ALK: variants seen among roughly 807,000 people sequenced by gnomAD.
The protein encoded by ALK is ALK tyrosine kinase receptor.
A neutral mutation model predicts 163.1 loss-of-function variants in ALK; 74 were observed. The ratio of observed to expected loss-of-function variants is 0.45; its 90% CI spans 0.38 to 0.55. The LOEUF (loss-of-function observed/expected upper bound fraction) is 0.55. Ranked by LOEUF, ALK falls within the 20% of genes least tolerant of loss-of-function variation. ALK has a pLI of 0.00. For synonymous variants in ALK, 960 were observed against 843.2 expected (o/e 1.14, Z -2.40); for missense variants, 2,063 against 2,105.3 (o/e 0.98, Z 0.39).
At chr2:29,761,810 C>T (rs899424586) in intron 1 of ALK, among the ~76,000 whole-genome samples, 20 of 152,234 alleles carry the variant, frequency 1.3e-4, no homozygotes, top group African/African-American at 4.6e-4. Flanking sequence ...TGAGCAATCT[C>T]TCCCTTTGGG....
At chr2:29,871,369 G>C (rs1435253932) in intron 1 of ALK, among the ~76,000 whole-genome samples, 1 of 152,160 alleles carries the variant, frequency 6.6e-6, no homozygotes, top group Non-Finnish European at 1.5e-5. Context: ...GGAATGTCCT[G>C]GAAAGGCTTC....
rs370577020 is a variant in ALK, at chr2:29,596,560, A to G, written c.953-64444T>C. On this transcript the variant is annotated intron_variant, in intron 3 of 28. Coordinates refer to ENST00000389048, the MANE Select transcript of ALK (RefSeq NM_004304.5). ...GAGATTCAGAATGGCTGCAAGGGGC[A>G]GGTAGGGGTGTGTGGAGAGAGGAAA... Among the ~76,000 whole-genome samples, 9 of 152,294 alleles carry G rather than the reference A, an allele frequency of 5.9e-5. No homozygotes were observed. The East Asian group carries it at 1.5e-3, about 26-fold the overall frequency.
intron 23 of ALK, among the ~76,000 whole-genome samples, chr2:29,220,176 G>A (rs1010652937): frequency 3.9e-5 from 6 of 152,168 alleles, no homozygotes; most frequent in Non-Finnish European, 8.8e-5. Context: ...GGAGGGGCCT[G>A]GTGGGAGGTG....
At chr2:29,804,498 G>A (rs1664560011) in intron 1 of ALK, among the ~76,000 whole-genome samples, 1 of 152,220 alleles carries the variant, frequency 6.6e-6, no homozygotes, top group Non-Finnish European at 1.5e-5. Context: ...AGGCAGGCCA[G>A]GAAGACTGTG....
At chr2:29,250,461 C>T (rs866669862) in intron 12 of ALK, among the ~76,000 whole-genome samples, 6 of 152,162 alleles carry the variant, frequency 3.9e-5, no homozygotes, top group Non-Finnish European at 8.8e-5. Context: ...TCTCAGCCCC[C>T]ACTCCAGACC....
intron 12 of ALK, among the ~76,000 whole-genome samples, chr2:29,243,727 C>T (rs1419654713): frequency 2.0e-5 from 3 of 152,210 alleles, no homozygotes; most frequent in East Asian, 1.9e-4. Flanking sequence ...TGATAATAGC[C>T]TCAGCCTGTC....
At chr2:29,649,358 C>T (rs1322267356) in intron 3 of ALK, among the ~76,000 whole-genome samples, 1 of 151,908 alleles carries the variant, frequency 6.6e-6, no homozygotes, top group Non-Finnish European at 1.5e-5. Context: ...TTTTAATTTG[C>T]GTTTTGGTTT....
At chr2:29,634,974 G>A (rs1676479906) in intron 3 of ALK, among the ~76,000 whole-genome samples, 1 of 152,110 alleles carries the variant, frequency 6.6e-6, no homozygotes, top group African/African-American at 2.4e-5. Flanking sequence ...AAAATCAATT[G>A]TATTTCTCTA....
intron 3 of ALK, among the ~76,000 whole-genome samples, chr2:29,594,182 T>C (rs907584738): frequency 3.9e-5 from 6 of 152,160 alleles, no homozygotes; most frequent in Non-Finnish European, 8.8e-5. Flanking sequence ...TACATTATAT[T>C]TTATAAAGGT....
intron 8 of ALK, among the ~76,000 whole-genome samples, chr2:29,314,985 TCCCTC>T (rs1199969575): frequency 6.6e-6 from 1 of 151,978 alleles, no homozygotes; most frequent in Non-Finnish European, 1.5e-5. Flanking sequence ...CTGCAAGCCT[TCCCTC>T]CCCGGTGGCA....
At chr2:29,469,714 C>T (rs1256230443) in intron 4 of ALK, among the ~76,000 whole-genome samples, 2 of 152,198 alleles carry the variant, frequency 1.3e-5, no homozygotes, top group African/African-American at 2.4e-5. Flanking sequence ...TGGATTTCTG[C>T]CAATTCTATG....
At chr2:29,699,764 C>G (rs1484734726) in intron 2 of ALK, among the ~76,000 whole-genome samples, 2 of 152,202 alleles carry the variant, frequency 1.3e-5, no homozygotes, top group African/African-American at 4.8e-5. Flanking sequence ...GACACACTTT[C>G]CAGGACCTGC....
At chr2:29,622,463 A>G (rs1321787853) in intron 3 of ALK, among the ~76,000 whole-genome samples, 1 of 152,178 alleles carries the variant, frequency 6.6e-6, no homozygotes, top group Admixed American at 6.5e-5. Context: ...CTATCACGAG[A>G]ATAGCACGGG....
chr2:29,868,542 G>A (rs992831812), intron 1 of ALK, among the ~76,000 whole-genome samples: 9 of 152,190 alleles, frequency 5.9e-5, no homozygotes, highest in East Asian at 1.9e-4. Context: ...TAGAGTGGTC[G>A]GTCAGGAGAG....
At chr2:29,432,785 T>C (rs1176002211) in intron 4 of ALK, among the ~76,000 whole-genome samples, 1 of 151,862 alleles carries the variant, frequency 6.6e-6, no homozygotes, top group Non-Finnish European at 1.5e-5. Context: ...CATCAATTGA[T>C]CTGGAGTGAT....
intron 2 of ALK, among the ~76,000 whole-genome samples, chr2:29,704,925 C>T (rs1678850585): frequency 6.6e-6 from 1 of 152,048 alleles, no homozygotes; most frequent in South Asian, 2.1e-4. Context: ...AGAATTATCA[C>T]ACTAATGATT....
chr2:29,220,853 A>T lies in ALK; in HGVS notation c.3516-18T>A, dbSNP rs2148166791. 6.2e-7 allele frequency: 1 copy of T among 1,613,842 alleles called. No individual in the cohort carries two copies. Among genetic ancestry groups the T allele is most frequent in the Non-Finnish European group, 8.5e-7 (1 of 1,179,748 alleles). Reference sequence around the variant, plus strand: ...TGAATTTGCTGCAGAGCAGAGAGGGATGTAACCAAAATTAACTGAGCTGAG... The same window carrying T: ...TGAATTTGCTGCAGAGCAGAGAGGGTTGTAACCAAAATTAACTGAGCTGAG... On this transcript the variant is annotated intron_variant, in intron 22 of 28. Coordinates refer to ENST00000389048, the MANE Select transcript of ALK (RefSeq NM_004304.5).
intron 3 of ALK, among the ~76,000 whole-genome samples, chr2:29,595,747 A>G (rs915417849): frequency 6.6e-6 from 1 of 152,228 alleles, no homozygotes; most frequent in Non-Finnish European, 1.5e-5. Context: ...ATTTTCAATG[A>G]AAGGAAGAAT....
intron 8 of ALK, among the ~76,000 whole-genome samples, chr2:29,312,085 G>C (rs2148242981): frequency 6.6e-6 from 1 of 151,918 alleles, no homozygotes; most frequent in East Asian, 2.0e-4. Flanking sequence ...TTGGGAGAGG[G>C]GTGTTGCCAT....
Sources: allele counts gnomAD v4.1 joint callset (sites outside exome capture counted in the v4.1 genomes callset), GRCh38; gene constraint gnomAD v4.1.1; transcripts MANE v1.5; gene names NCBI Gene and HGNC (gene_info 2026-07-23, HGNC 2026-07-21).